TMTC1: variants seen among roughly 807,000 people sequenced by gnomAD.
TMTC1 encodes the protein protein O-mannosyl-transferase TMTC1.
Under a neutral mutation model 104.8 loss-of-function variants are expected in TMTC1, and 73 were observed. The ratio of observed to expected loss-of-function variants is 0.70; its 90% CI spans 0.58 to 0.85. TMTC1 has a LOEUF of 0.85. Ranked by LOEUF, TMTC1 falls within the 40% of genes least tolerant of loss-of-function variation. The pLI is 0.00. For synonymous variants in TMTC1, 434 were observed against 428.7 expected, an observed-to-expected ratio of 1.01 and a Z score of -0.15; for missense variants, 1,035 against 1,096.1, an observed-to-expected ratio of 0.94 and a Z score of 0.79.
chr12:29,658,881 T>C (rs757468418), intron 5 of TMTC1: 1 of 152,216 alleles, frequency 6.6e-6, no homozygotes, highest in Non-Finnish European at 1.5e-5. Flanking sequence ...CAACATATTC[T>C]GAAGGAAGGT....
rs1490908810 is a variant in TMTC1, at chr12:29,695,791, TTTTATATATATATA to T, written c.938+55861_938+55874del. On this transcript the variant is annotated intron_variant, in intron 5 of 17. Coordinates refer to ENST00000539277, the MANE Select transcript of TMTC1 (RefSeq NM_001193451.2). ...TCTCACAAATTTTAAACTACTTCCTTTTTATATATATATATATATATATATATATATATATATAA... is the reference window on the plus strand; with the variant it reads ...TCTCACAAATTTTAAACTACTTCCTTTATATATATATATATATATATATAA... Among the ~76,000 whole-genome samples the T allele has an allele frequency of 2.6e-3, 249 of 95,270 alleles. 6 individuals are homozygous for T. Among genetic ancestry groups the T allele is most frequent in the African/African-American group, 6.3e-3 (190 of 30,218 alleles). 62.5% of individuals were successfully genotyped at this position (95,270 alleles called of 152,430 possible). A position where few individuals can be genotyped will look rare whatever the true frequency, so the allele number is the denominator to read the frequency against.
chr12:29,627,947 C>T (rs772582163), intron 6 of TMTC1, among the ~76,000 whole-genome samples: 1 of 152,186 alleles, frequency 6.6e-6, no homozygotes, highest in South Asian at 2.1e-4. Context: ...GACGCAGCTT[C>T]CTTATCCTCA....
At chr12:29,633,995 T>C (rs1010842639) in intron 5 of TMTC1, among the ~76,000 whole-genome samples, 1 of 152,198 alleles carries the variant, frequency 6.6e-6, no homozygotes, top group Non-Finnish European at 1.5e-5. Context: ...AACACACTTA[T>C]TAAGCAGTGT....
intron 6 of TMTC1, among the ~76,000 whole-genome samples, chr12:29,605,928 G>T (rs1946686762): frequency 6.6e-6 from 1 of 152,020 alleles, no homozygotes; most frequent in Non-Finnish European, 1.5e-5. Flanking sequence ...TGTACCCAAG[G>T]TTTAGCTCCC....
rs1941300441 is a variant in TMTC1 at position 29,692,701 on chromosome 12, G to C, written c.938+58965C>G. Among the ~76,000 whole-genome samples the C allele has an allele frequency of 1.4e-5, 2 of 145,150 alleles. 1 individual carries two copies. Among genetic ancestry groups the C allele is most frequent in the Non-Finnish European group, 3.0e-5 (2 of 66,262 alleles). ...ACAAACACTTATATGTGAATGTATA[G>C]AGTATTATTCACGACAGCCCCAAAT... On this transcript the variant is annotated intron_variant, in intron 5 of 17. Transcript: ENST00000539277.
At chr12:29,669,897 T>A (rs913189929) in intron 5 of TMTC1, among the ~76,000 whole-genome samples, 7 of 152,158 alleles carry the variant, frequency 4.6e-5, no homozygotes, top group African/African-American at 7.2e-5. Context: ...ACTGGCCCCA[T>A]TGTACAGATT....
At position 29,514,556 on chromosome 12, in the gene TMTC1, T is replaced by C. The variant is rs1302722945; in HGVS notation, c.2356A>G (p.Lys786Glu). ...KALQLKPKDP[K>E]VISELFFTKG... ...GTGAAAAAAAGTTCAGAAATGACTTTTGGGTCCTTTGGTTTCAGCTGGAGA... is the reference window on the plus strand; with the variant it reads ...GTGAAAAAAAGTTCAGAAATGACTTCTGGGTCCTTTGGTTTCAGCTGGAGA... The change falls in exon 16 of 18, where the codon AAA (lysine) becomes GAA (glutamate). Residue 786 changes from lysine (K) to glutamate (E), a missense_variant. By Grantham distance (56) the Lys-to-Glu change is moderately conservative. Coordinates refer to ENST00000539277, the MANE Select transcript of TMTC1 (RefSeq NM_001193451.2). 1.2e-5 allele frequency: 19 copies of C among 1,614,130 alleles called. No individual in the cohort carries two copies. The highest frequency in any genetic ancestry group is 1.6e-5 in the Non-Finnish European group (19 of 1,179,992).
At chr12:29,562,662 TG>T (rs983566175) in intron 9 of TMTC1, among the ~76,000 whole-genome samples, 3 of 152,176 alleles carry the variant, frequency 2.0e-5, no homozygotes, top group Non-Finnish European at 4.4e-5. Context: ...TCCAGCTATG[TG>T]AGTTTGAATT....
intron 9 of TMTC1, among the ~76,000 whole-genome samples, chr12:29,563,536 C>T (rs1267663948): frequency 6.6e-6 from 1 of 152,052 alleles, no homozygotes; most frequent in Non-Finnish European, 1.5e-5. Flanking sequence ...GGGTATTACT[C>T]CTGATATATA....
chr12:29,532,358 T>G (rs1392849202), intron 11 of TMTC1, among the ~76,000 whole-genome samples: 2 of 152,106 alleles, frequency 1.3e-5, no homozygotes, highest in Non-Finnish European at 1.5e-5. Context: ...ATTCTGGAAT[T>G]TATCATTAGG....
chr12:29,530,232 C>T (rs1371471588), intron 11 of TMTC1, among the ~76,000 whole-genome samples: 1 of 152,142 alleles, frequency 6.6e-6, no homozygotes, highest in Non-Finnish European at 1.5e-5. Flanking sequence ...CAGCTATGAC[C>T]AGAGAGGTAA....
intron 7 of TMTC1, among the ~76,000 whole-genome samples, chr12:29,600,856 TAAAGAG>T (rs1946546133): frequency 6.6e-6 from 1 of 152,064 alleles, no homozygotes. Context: ...CACTAAGCAG[TAAAGAG>T]AAACACTCAG....
intron 5 of TMTC1, among the ~76,000 whole-genome samples, chr12:29,729,368 C>T (rs1264569413): frequency 6.6e-6 from 1 of 151,996 alleles, no homozygotes; most frequent in Non-Finnish European, 1.5e-5. Context: ...CTCTGCTTCT[C>T]ATCAGAAGGC....
At chr12:29,689,185 A>T (rs553376183) in intron 5 of TMTC1, among the ~76,000 whole-genome samples, 1 of 152,352 alleles carries the variant, frequency 6.6e-6, no homozygotes, top group Non-Finnish European at 1.5e-5. Flanking sequence ...TAGAGCCATC[A>T]TACCAACCTC....
chr12:29,675,050 A>T (rs532462072), intron 5 of TMTC1, among the ~76,000 whole-genome samples: 7 of 152,328 alleles, frequency 4.6e-5, no homozygotes, highest in African/African-American at 1.7e-4. Flanking sequence ...ACCATGTGCA[A>T]AGTAACTTAA....
chr12:29,670,325 C>A (rs900745141), intron 5 of TMTC1, among the ~76,000 whole-genome samples: 2 of 152,136 alleles, frequency 1.3e-5, no homozygotes, highest in African/African-American at 4.8e-5. Flanking sequence ...TAATGAATAC[C>A]TACTGTGCCC....
Position 29,676,757 on chromosome 12 carries a change from T to C in TMTC1, c.939-43421A>G, listed in dbSNP as rs370216194. On this transcript the variant is annotated intron_variant, in intron 5 of 17. Transcript: ENST00000539277. ...TGATCACCAATTTTCTAACTAGCAC[T>C]CTATGAGAAACTGATAGAAGATGAT... Among the ~76,000 whole-genome samples the C allele has an allele frequency of 2.6e-3, 391 of 152,300 alleles. 2 individuals are homozygous for C. Among genetic ancestry groups the C allele is most frequent in the African/African-American group, 8.8e-3 (364 of 41,556 alleles).
chr12:29,562,450 T>C lies in TMTC1; in HGVS notation c.1533-5450A>G, dbSNP rs112355774. ...ATGAATCATTTTAAATGGCTGAACC[T>C]GATTCCTGAGAATTTACTGCTAGGG... On this transcript the variant is annotated intron_variant, in intron 9 of 17. Transcript: ENST00000539277. Among the ~76,000 whole-genome samples the C allele has an allele frequency of 4.3e-3, 652 of 152,344 alleles. 6 individuals carry two copies. The highest frequency in any genetic ancestry group is 0.015 in the African/African-American group (620 of 41,588).
intron 5 of TMTC1, among the ~76,000 whole-genome samples, chr12:29,731,598 C>A (rs1399849259): frequency 1.1e-4 from 16 of 152,006 alleles, no homozygotes; most frequent in Non-Finnish European, 2.2e-4. Context: ...TGCAATCAGA[C>A]CTTGGCAATG....
Sources: gnomAD v4.1 joint callset for allele counts (sites outside exome capture counted in the v4.1 genomes callset) on GRCh38, gnomAD v4.1.1 for gene constraint, MANE v1.5 for transcripts, NCBI Gene and HGNC (gene_info 2026-07-23, HGNC 2026-07-21) for gene names.